Variants in INAVA observed in about 807,000 individuals in gnomAD.
INAVA encodes the protein innate immunity activator, also known as innate immunity activator protein.
A neutral mutation model predicts 55.3 loss-of-function variants in INAVA; 32 were observed. That is an observed-to-expected ratio of 0.58 (90% confidence interval 0.44 to 0.78). The LOEUF is 0.78. INAVA is among the 30% of genes least tolerant of loss of function. The pLI is 0.00. For missense variants in INAVA, 756 were observed against 786.4 expected (o/e 0.96, Z 0.46); for synonymous variants, 294 against 329.4 (o/e 0.89, Z 1.16).
Position 200,900,957 on chromosome 1 carries a change from G to T in INAVA, c.318G>T (p.Glu106Asp), listed in dbSNP as rs1653222308. 6.4e-7 allele frequency: 1 copy of T among 1,552,524 alleles called. No individual in the cohort carries two copies. Among genetic ancestry groups the T allele is most frequent in the African/African-American group, 1.4e-5 (1 of 73,314 alleles). The change falls in exon 5 of 10, where the codon GAG becomes GAT. Residue 106 changes from glutamate to aspartate, a missense_variant. Glu to Asp is a conservative substitution (Grantham distance 45). Around this residue, in one of 2 missense-constraint regions of INAVA, gnomAD observed 639 missense variants for 624.3 expected, o/e 1.02. Coordinates refer to ENST00000413687, the MANE Select transcript of INAVA (RefSeq NM_001142569.3). ...CTCAGGACCCCCTAAGCAGCCTGGA[G>T]CGCCAGCTGGCCCTGCAGCTGCAGA... ...LHREDPLSSL[E>D]RQLALQLQIT...
intron 2 of INAVA, among the ~76,000 whole-genome samples, chr1:200,898,740 G>A (rs1191183560): frequency 6.6e-6 from 1 of 152,216 alleles, no homozygotes; most frequent in Non-Finnish European, 1.5e-5. Flanking sequence ...AGCCCCAGCT[G>A]AGAAGTTGAA....
intron 5 of INAVA, among the ~76,000 whole-genome samples, chr1:200,901,553 C>G (rs1653255951): frequency 6.6e-6 from 1 of 152,182 alleles, no homozygotes; most frequent in East Asian, 1.9e-4. Flanking sequence ...GTGTGAGGCT[C>G]CCGTGAGCCC....
At chr1:200,910,625 A>G (rs1363869012) in intron 8 of INAVA, among the ~76,000 whole-genome samples, 1 of 152,252 alleles carries the variant, frequency 6.6e-6, no homozygotes, top group Non-Finnish European at 1.5e-5. Context: ...TCTGTCATCC[A>G]GCCTAGAGTA....
In INAVA at chr1:200,909,205, G is replaced by C. The variant is rs746442284; in HGVS notation, c.786-19G>C. The stretch of plus-strand genomic sequence containing the variant: ...ATGGAGGCATTCCTGCCACTGACCT[G>C]TCTCTAATCCTTTTGCAGCAGCCCA... On this transcript the variant is annotated intron_variant, in intron 7 of 9. Transcript: ENST00000413687. 4.0e-6 allele frequency: 6 copies of C among 1,494,990 alleles called. No homozygotes were observed. The highest frequency in any genetic ancestry group is 5.4e-6 in the Non-Finnish European group (6 of 1,118,718). 92.6% of individuals were successfully genotyped at this position (1,494,990 alleles called of 1,614,324 possible). A position where few individuals can be genotyped will look rare whatever the true frequency, so the allele number is the denominator to read the frequency against.
chr1:200,914,135 C>T lies in INAVA; in HGVS notation c.*506C>T. 1 of 157,894 alleles carries T rather than the reference C, an allele frequency of 6.3e-6. No homozygotes were observed. The highest frequency in any genetic ancestry group is 6.0e-5 in the Admixed American group (1 of 16,538). The allele number at this position is 157,894 out of a possible 1,614,324, so 9.8% of individuals were successfully genotyped here. A position where few individuals can be genotyped will look rare whatever the true frequency, so the allele number is the denominator to read the frequency against. ...CCCAGCCTGGGCTGGGGGAGAATCT[C>T]TTCCCCCTTTTCTAATGTGCTCTGT... On this transcript the variant is annotated 3_prime_UTR_variant, in exon 10 of 10. Coordinates refer to ENST00000413687, the MANE Select transcript of INAVA (RefSeq NM_001142569.3).
chr1:200,906,894 C>T (rs779460355), intron 5 of INAVA, among the ~76,000 whole-genome samples: 1 of 152,210 alleles, frequency 6.6e-6, no homozygotes, highest in African/African-American at 2.4e-5. Context: ...GGTGTGATCA[C>T]GGCTCACTGC....
upstream of INAVA, chr1:200,894,774 G>A (rs866475551): frequency 2.7e-4 from 270 of 985,446 alleles, 1 homozygote; most frequent in Middle Eastern, 6.3e-3. Context: ...CCTGCCCCCC[G>A]GAAGTGCAGA....
At position 200,908,731 on chromosome 1, in the gene INAVA, G is replaced by A; in HGVS notation, c.576G>A (p.Glu192=). ...SLSDGLLLEE[E]ESQVPKPPPE... is the part of the protein sequence containing the mutation. ...ACCAGGTTTCTTTTACTCCTGCAGAGGAATCCCAAGTGCCAAAACCTCCTC... is the reference window on the plus strand; with the variant it reads ...ACCAGGTTTCTTTTACTCCTGCAGAAGAATCCCAAGTGCCAAAACCTCCTC... Residue 192 remains glutamate (E), a splice_region_variant and synonymous_variant, in exon 7 of 10, where the codon GAG becomes GAA. Transcript: ENST00000413687. 1 of 1,564,350 alleles carries A rather than the reference G, an allele frequency of 6.4e-7. No individual in the cohort carries two copies. Among genetic ancestry groups the A allele is most frequent in the Non-Finnish European group, 8.6e-7 (1 of 1,156,716 alleles).
At chr1:200,900,797 C>T (rs191271651) in intron 4 of INAVA, 140 bp from the exon 5 acceptor site, 2 of 604,920 alleles carry the variant, frequency 3.3e-6, no homozygotes, top group Non-Finnish European at 5.6e-6. Context: ...CACGTCCGTC[C>T]ATTGGTGCTG....
intron 5 of INAVA, among the ~76,000 whole-genome samples, chr1:200,902,011 C>T (rs191454615): frequency 2.4e-3 from 372 of 152,314 alleles, no homozygotes; most frequent in African/African-American, 8.3e-3. Context: ...ATTCCAAACC[C>T]CACCGCAGCA....
intron 2 of INAVA, among the ~76,000 whole-genome samples, chr1:200,898,927 C>T (rs1328863756): frequency 3.3e-5 from 5 of 152,012 alleles, no homozygotes; most frequent in Admixed American, 3.3e-4. Context: ...TGCAGTGAGC[C>T]GAGATCGCGG....
chr1:200,906,739 CTTG>C (rs1012054881), intron 5 of INAVA, among the ~76,000 whole-genome samples: 16 of 152,338 alleles, frequency 1.1e-4, no homozygotes, highest in East Asian at 3.9e-4. Flanking sequence ...TTGCGTTCCT[CTTG>C]TTGTTGGTAA....
intron 5 of INAVA, among the ~76,000 whole-genome samples, chr1:200,903,744 CG>C (rs1489679618): frequency 7.9e-6 from 1 of 126,654 alleles, no homozygotes; most frequent in South Asian, 2.8e-4. Flanking sequence ...GCGGAGGTTG[CG>C]GTGAGCCGAG....
chr1:200,899,428 T>G, intron 2 of INAVA, 45 bp from the exon 3 acceptor site: 1 of 1,611,370 alleles, frequency 6.2e-7, no homozygotes, highest in Non-Finnish European at 8.5e-7. Context: ...CGGAGGAGGC[T>G]TCCATCTTCA....
In INAVA at chr1:200,911,755, ACCACCCCAAGCTACTGCTG is replaced by A; in HGVS notation, c.1265_1283del (p.His422ArgfsTer59). 1 of 1,611,626 alleles carries A rather than the reference ACCACCCCAAGCTACTGCTG, an allele frequency of 6.2e-7. No homozygotes were observed. Among genetic ancestry groups the A allele is most frequent in the Non-Finnish European group, 8.5e-7 (1 of 1,178,574 alleles). On this transcript the variant is annotated frameshift_variant, in exon 9 of 10. Coordinates refer to ENST00000413687, the MANE Select transcript of INAVA (RefSeq NM_001142569.3). LOFTEE classifies it high-confidence loss of function. ...GCCGGCAGCAGAGAGCTGGTCGCCC[ACCACCCCAAGCTACTGCTG>A]CCGCCTGGCTATTTCCCGGCGGGGC...
chr1:200,901,710 C>T (rs1298015302), intron 5 of INAVA, among the ~76,000 whole-genome samples: 1 of 152,196 alleles, frequency 6.6e-6, no homozygotes, highest in Non-Finnish European at 1.5e-5. Context: ...GGACTGGTGC[C>T]ACACCCCACA....
chr1:200,897,689 C>T (rs928929537), intron 1 of INAVA, among the ~76,000 whole-genome samples: 2 of 151,838 alleles, frequency 1.3e-5, no homozygotes, highest in South Asian at 2.1e-4. Flanking sequence ...AGTGCAATGG[C>T]GTGAACATGG....
chr1:200,900,861 G>C, intron 4 of INAVA, 76 bp from the exon 5 acceptor site: 1 of 1,159,146 alleles, frequency 8.6e-7, no homozygotes, highest in Non-Finnish European at 1.2e-6. Context: ...AGAGCACTGT[G>C]TCAGGGCTGC....
intron 2 of INAVA, 67 bp from the exon 3 acceptor site, chr1:200,899,406 G>C: frequency 6.2e-7 from 1 of 1,603,706 alleles, no homozygotes; most frequent in Non-Finnish European, 8.5e-7. Flanking sequence ...CCTAGGGGTG[G>C]TCAATAAGTA....
Sources: gnomAD v4.1 joint callset for allele counts (sites outside exome capture counted in the v4.1 genomes callset) on GRCh38, gnomAD v4.1.1 for gene constraint, gnomAD v4.1.1 regional missense constraint, MANE v1.5 for transcripts, NCBI Gene and HGNC (gene_info 2026-07-23, HGNC 2026-07-21) for gene names.